CDH13: variants seen among roughly 807,000 people sequenced by gnomAD.
CDH13 encodes the protein cadherin 13.
CDH13 carries 24 observed loss-of-function variants against 63.8 expected under a neutral mutation model. The ratio of observed to expected loss-of-function variants is 0.38; its 90% CI spans 0.27 to 0.53. The LOEUF (loss-of-function observed/expected upper bound fraction) is 0.53. CDH13 is among the 20% of genes least tolerant of loss of function. The pLI is 0.85. For synonymous variants in CDH13, 503 were observed against 355.3 expected (o/e 1.42, Z -4.67); for missense variants, 1,049 against 903.1 (o/e 1.16, Z -2.07).
At chr16:82,950,592 A>C (rs1905192576) in intron 2 of CDH13, among the ~76,000 whole-genome samples, 1 of 152,086 alleles carries the variant, frequency 6.6e-6, no homozygotes, top group African/African-American at 2.4e-5. Context: ...TTCGCCTTTC[A>C]CCATGATTGT....
At chr16:83,359,308 T>C (rs2091116087) in intron 6 of CDH13, among the ~76,000 whole-genome samples, 1 of 152,180 alleles carries the variant, frequency 6.6e-6, no homozygotes, top group African/African-American at 2.4e-5. Context: ...ATGAGGCTAA[T>C]AACAATGCCC....
chr16:82,683,778 A>G (rs1483509596), intron 1 of CDH13, among the ~76,000 whole-genome samples: 2 of 152,248 alleles, frequency 1.3e-5, no homozygotes, highest in Non-Finnish European at 2.9e-5. Flanking sequence ...TCAAGCCAAG[A>G]AGGCAAAGAC....
At chr16:83,107,919 A>C (rs2034856180) in intron 3 of CDH13, among the ~76,000 whole-genome samples, 1 of 151,880 alleles carries the variant, frequency 6.6e-6, no homozygotes, top group Admixed American at 6.6e-5. Context: ...TGCTGGATTC[A>C]AGCAATTCCC....
In CDH13 at chr16:83,506,756, G is replaced by A. The variant is rs540006022; in HGVS notation, c.960+20101G>A. 1.8e-4 allele frequency among the ~76,000 whole-genome samples: 28 copies of A among 152,332 alleles called. No homozygotes were observed. In the East Asian group the frequency reaches 3.9e-3, roughly 21 times the overall value. On this transcript the variant is annotated intron_variant, in intron 7 of 13. Transcript: ENST00000567109. ...CTTGCTACAGGCAAAGCCAAATGCC[G>A]TGTTGTAGGGAAGCTCAAGTAGCTT...
chr16:83,141,036 A>C (rs1229915552), intron 4 of CDH13, among the ~76,000 whole-genome samples: 7 of 152,212 alleles, frequency 4.6e-5, no homozygotes, highest in Admixed American at 4.6e-4. Context: ...TGAAGTATCC[A>C]CTATTTCCCT....
chr16:83,674,657 A>G (rs1433992566), intron 9 of CDH13, among the ~76,000 whole-genome samples: 1 of 152,188 alleles, frequency 6.6e-6, no homozygotes, highest in Non-Finnish European at 1.5e-5. Flanking sequence ...CATACAGAAG[A>G]ACTATTTGGA....
chr16:82,931,388 A>G (rs1004255622), intron 2 of CDH13, among the ~76,000 whole-genome samples: 3 of 152,222 alleles, frequency 2.0e-5, no homozygotes, highest in African/African-American at 4.8e-5. Context: ...TTCCAGAAAG[A>G]CTTGGACTCA....
At chr16:83,173,077 T>C (rs894640367) in intron 4 of CDH13, among the ~76,000 whole-genome samples, 1 of 152,094 alleles carries the variant, frequency 6.6e-6, no homozygotes, top group Non-Finnish European at 1.5e-5. Context: ...AAACTAATAT[T>C]CACAAAGCAG....
At chr16:83,542,087 T>C (rs1266271299) in intron 7 of CDH13, among the ~76,000 whole-genome samples, 1 of 152,228 alleles carries the variant, frequency 6.6e-6, no homozygotes, top group Non-Finnish European at 1.5e-5. Context: ...TTGCTAGAAA[T>C]GCAGAGCCTC....
chr16:82,706,686 C>G (rs990010114), intron 1 of CDH13, among the ~76,000 whole-genome samples: 3 of 150,746 alleles, frequency 2.0e-5, no homozygotes, highest in African/African-American at 7.3e-5. Context: ...TGCCTGTAAT[C>G]CCAGCTACTT....
intron 6 of CDH13, among the ~76,000 whole-genome samples, chr16:83,362,904 TG>T (rs1008602873): frequency 1.6e-4 from 24 of 152,172 alleles, no homozygotes; most frequent in African/African-American, 5.5e-4. Context: ...AAAACTGTGG[TG>T]GGGTTTCAGC....
At position 83,019,139 on chromosome 16, in the gene CDH13, TAAC is replaced by T. The variant is rs531792737; in HGVS notation, c.158-12870_158-12868del. 2.0e-5 allele frequency among the ~76,000 whole-genome samples: 3 copies of T among 152,382 alleles called. No individual in the cohort carries two copies. The South Asian group carries it at 6.2e-4, about 32-fold the overall frequency. On this transcript the variant is annotated intron_variant, in intron 2 of 13. Transcript: ENST00000567109. ...TTTTACTTTATAAACTTTAATTTTT[TAAC>T]TTTTTGGCTCTTGTGGTAACACTTA...
intron 5 of CDH13, among the ~76,000 whole-genome samples, chr16:83,240,624 G>T (rs1904332140): frequency 6.7e-6 from 1 of 148,870 alleles, no homozygotes; most frequent in South Asian, 2.1e-4. Flanking sequence ...AGAGAGGAGG[G>T]TTGAGGGTAG....
intron 2 of CDH13, among the ~76,000 whole-genome samples, chr16:82,983,938 C>G (rs1244119962): frequency 6.6e-6 from 1 of 152,170 alleles, no homozygotes; most frequent in Non-Finnish European, 1.5e-5. Context: ...TTCCTGAAGA[C>G]ACCTGACAGA....
intron 1 of CDH13, among the ~76,000 whole-genome samples, chr16:82,794,317 C>G (rs1036533537): frequency 7.3e-6 from 1 of 137,522 alleles, no homozygotes; most frequent in African/African-American, 2.5e-5. Flanking sequence ...TACAAACTCG[C>G]CAGCTCTGCA....
At position 83,476,037 on chromosome 16, in the gene CDH13, C is replaced by G. The variant is rs117662718; in HGVS notation, c.782-10440C>G. Among the ~76,000 whole-genome samples the G allele has an allele frequency of 9.4e-3, 1,427 of 152,314 alleles. 6 individuals carry two copies. Among genetic ancestry groups the G allele is most frequent in the Non-Finnish European group, 0.015 (1,031 of 68,030 alleles). ...ATCAATTATTTACCTGCTTCCTACTCCAGCTTTATATTACCTTAAGCTGTA... is the reference window on the plus strand; with the variant it reads ...ATCAATTATTTACCTGCTTCCTACTGCAGCTTTATATTACCTTAAGCTGTA... On this transcript the variant is annotated intron_variant, in intron 6 of 13. Coordinates refer to ENST00000567109, the MANE Select transcript of CDH13 (RefSeq NM_001257.5).
At chr16:83,061,639 G>A (rs1251693101) in intron 3 of CDH13, among the ~76,000 whole-genome samples, 1 of 152,232 alleles carries the variant, frequency 6.6e-6, no homozygotes, top group Non-Finnish European at 1.5e-5. Context: ...TGACACTGAA[G>A]TGGCTCATGC....
chr16:83,462,019 C>T (rs1749126627), intron 6 of CDH13, among the ~76,000 whole-genome samples: 1 of 152,230 alleles, frequency 6.6e-6, no homozygotes, highest in Non-Finnish European at 1.5e-5. Context: ...ATCCCTTCCA[C>T]TTCGTGGCTC....
intron 1 of CDH13, among the ~76,000 whole-genome samples, chr16:82,741,708 C>T (rs572780197): frequency 1.2e-4 from 19 of 152,092 alleles, no homozygotes; most frequent in African/African-American, 4.6e-4. Flanking sequence ...TGTTCAACCT[C>T]GCCATTAATT....
Sources: gnomAD v4.1 joint callset for allele counts (sites outside exome capture counted in the v4.1 genomes callset) on GRCh38, gnomAD v4.1.1 for gene constraint, MANE v1.5 for transcripts, NCBI Gene and HGNC (gene_info 2026-07-23, HGNC 2026-07-21) for gene names.